CDH13: variants seen among roughly 807,000 people sequenced by gnomAD.
CDH13 encodes the protein cadherin-13.
CDH13 carries 24 observed loss-of-function variants against 63.8 expected under a neutral mutation model. That is an observed-to-expected ratio of 0.38 (90% CI 0.27 to 0.53). The LOEUF (loss-of-function observed/expected upper bound fraction) is 0.53. Among genes scored for constraint, CDH13 ranks in the 20% least tolerant of loss-of-function variants. The pLI, the probability that CDH13 is intolerant of heterozygous loss-of-function variation, is 0.85. For missense variants in CDH13, 1,049 were observed against 903.1 expected (o/e 1.16, Z -2.07); for synonymous variants, 503 against 355.3 (o/e 1.42, Z -4.67).
chr16:83,452,998 T>C (rs2072924565), intron 6 of CDH13, among the ~76,000 whole-genome samples: 1 of 152,178 alleles, frequency 6.6e-6, no homozygotes, highest in Non-Finnish European at 1.5e-5. Context: ...CCTTTGGAAA[T>C]CACTTAATTT....
chr16:83,143,796 C>A (rs935269815), intron 4 of CDH13, among the ~76,000 whole-genome samples: 1 of 152,048 alleles, frequency 6.6e-6, no homozygotes, highest in East Asian at 1.9e-4. Flanking sequence ...TCCAGGCTTT[C>A]TCACCCACTA....
Position 83,007,474 on chromosome 16 carries a change from T to A in CDH13, c.158-24536T>A, listed in dbSNP as rs187081289. Among the ~76,000 whole-genome samples the A allele has an allele frequency of 3.9e-4, 60 of 152,338 alleles. 1 individual carries two copies. The East Asian group carries it at 0.011, about 27-fold the overall frequency. The stretch of plus-strand genomic sequence containing the variant: ...ATCTGAGCTCTGATTCCAGAGTTCT[T>A]GCTCTGAACTCTATTGCTTTCATGA... On this transcript the variant is annotated intron_variant, in intron 2 of 13. Transcript: ENST00000567109.
intron 1 of CDH13, among the ~76,000 whole-genome samples, chr16:82,706,848 T>C (rs756284496): frequency 3.9e-5 from 6 of 152,160 alleles, no homozygotes; most frequent in Non-Finnish European, 8.8e-5. Flanking sequence ...TCATTTTTAA[T>C]GTGAGAATGT....
At chr16:83,203,282 A>G (rs375157268) in intron 4 of CDH13, among the ~76,000 whole-genome samples, 104 of 152,292 alleles carry the variant, frequency 6.8e-4, no homozygotes, top group African/African-American at 2.4e-3. Context: ...TACTATGTTC[A>G]CTATCTGTGT....
chr16:83,418,254 A>T (rs2151466410), intron 6 of CDH13, among the ~76,000 whole-genome samples: 1 of 152,328 alleles, frequency 6.6e-6, no homozygotes, highest in African/African-American at 2.4e-5. Context: ...TTAAAAGGGA[A>T]AAATTATGAA....
intron 10 of CDH13, among the ~76,000 whole-genome samples, chr16:83,701,394 C>A (rs1357505468): frequency 6.6e-6 from 1 of 152,154 alleles, no homozygotes; most frequent in Non-Finnish European, 1.5e-5. Flanking sequence ...TCATTTCATT[C>A]GGTCCACACG....
intron 7 of CDH13, among the ~76,000 whole-genome samples, chr16:83,545,165 G>T (rs1409249692): frequency 6.6e-6 from 1 of 152,142 alleles, no homozygotes; most frequent in Non-Finnish European, 1.5e-5. Flanking sequence ...GCCCTTCTTA[G>T]AAGTTGTTCG....
intron 2 of CDH13, among the ~76,000 whole-genome samples, chr16:82,991,580 T>A (rs1000509212): frequency 1.3e-5 from 2 of 152,092 alleles, no homozygotes; most frequent in African/African-American, 4.8e-5. Context: ...CACGGCAACC[T>A]CCAGGACATA....
intron 3 of CDH13, among the ~76,000 whole-genome samples, chr16:83,062,773 G>C (rs925158225): frequency 2.0e-5 from 3 of 152,082 alleles, no homozygotes; most frequent in Admixed American, 2.0e-4. Context: ...ATTCCAGCAG[G>C]ATTCAGCTGG....
At chr16:83,678,112 C>A in intron 9 of CDH13, 96 bp from the exon 10 acceptor site, 1 of 1,297,476 alleles carries the variant, frequency 7.7e-7, no homozygotes, top group Admixed American at 2.0e-5. Context: ...TCCCTGAAGG[C>A]CCACTGTTGC....
intron 5 of CDH13, among the ~76,000 whole-genome samples, chr16:83,286,645 A>C (rs148375312): frequency 6.6e-6 from 1 of 151,964 alleles, no homozygotes; most frequent in East Asian, 1.9e-4. Context: ...AGTCCCAGCT[A>C]CTTGGGGGGC....
intron 2 of CDH13, among the ~76,000 whole-genome samples, chr16:82,972,647 C>T (rs544578301): frequency 3.9e-5 from 6 of 152,274 alleles, no homozygotes; most frequent in East Asian, 1.9e-4. Flanking sequence ...GTGCCTGTCA[C>T]GTGGTAAGCA....
At chr16:83,346,213 C>A (rs1356034593) in intron 6 of CDH13, among the ~76,000 whole-genome samples, 1 of 152,182 alleles carries the variant, frequency 6.6e-6, no homozygotes, top group East Asian at 1.9e-4. Flanking sequence ...GGCAGAGGAG[C>A]AATGACAGGT....
intron 2 of CDH13, among the ~76,000 whole-genome samples, chr16:82,914,249 G>T (rs946473610): frequency 6.6e-6 from 1 of 151,976 alleles, no homozygotes; most frequent in Non-Finnish European, 1.5e-5. Flanking sequence ...CCATTTGTTA[G>T]TAATAATAAT....
rs1567601553 is a variant in CDH13 at position 83,795,031 on chromosome 16, G to A, written c.*1G>A. 1 of 1,593,000 alleles carries A rather than the reference G, an allele frequency of 6.3e-7. No homozygotes were observed. The highest frequency in any genetic ancestry group is 8.6e-7 in the Non-Finnish European group (1 of 1,169,416). ...GAACCCTCTCTATTCAGGTCTGTGA[G>A]AACTCCTGACGTCTGAAGCTTGACT... is the stretch of plus-strand genomic sequence containing the variant. On this transcript the variant is annotated 3_prime_UTR_variant, in exon 14 of 14. Coordinates refer to ENST00000567109, the MANE Select transcript of CDH13 (RefSeq NM_001257.5).
At chr16:82,974,955 C>G (rs1424055237) in intron 2 of CDH13, among the ~76,000 whole-genome samples, 2 of 152,226 alleles carry the variant, frequency 1.3e-5, no homozygotes, top group Non-Finnish European at 2.9e-5. Context: ...CCCAGACTGA[C>G]TTTGACTGTA....
intron 3 of CDH13, among the ~76,000 whole-genome samples, chr16:83,038,663 T>TGGGCACACATGCGTGTTCGC: frequency 6.6e-6 from 1 of 152,330 alleles, no homozygotes; most frequent in East Asian, 1.9e-4. Context: ...TGTGTGTTTG[T>TGGGCACACATGCGTGTTCGC]GTGCACACAT....
chr16:82,991,956 T>C (rs1428756770), intron 2 of CDH13, among the ~76,000 whole-genome samples: 39 of 152,132 alleles, frequency 2.6e-4, no homozygotes, highest in South Asian at 2.1e-4. Flanking sequence ...GTGAATGAGA[T>C]GGAGGATCAA....
At chr16:82,977,691 A>C (rs1909710595) in intron 2 of CDH13, among the ~76,000 whole-genome samples, 2 of 152,196 alleles carry the variant, frequency 1.3e-5, no homozygotes, top group African/African-American at 4.8e-5. Flanking sequence ...TAGCAGCATA[A>C]AAATGGACTA....
Sources: allele counts gnomAD v4.1 joint callset (sites outside exome capture counted in the v4.1 genomes callset), GRCh38; gene constraint gnomAD v4.1.1; transcripts MANE v1.5; gene names NCBI Gene and HGNC (gene_info 2026-07-23, HGNC 2026-07-21).